The following G3BP1 variants were observed in gnomAD, a reference collection of about 807,000 sequenced individuals.
The protein encoded by G3BP1 is ras GTPase-activating protein-binding protein 1.
G3BP1 carries 35 observed loss-of-function variants against 58.6 expected under a neutral mutation model. The observed-to-expected ratio is 0.60, with a 90% confidence interval of 0.46 to 0.79. The LOEUF is 0.79. Ranked by LOEUF, G3BP1 falls within the 30% of genes least tolerant of loss-of-function variation. The pLI, the probability that G3BP1 is intolerant of heterozygous loss-of-function variation, is 0.00. For synonymous variants in G3BP1, 191 were observed against 195.4 expected (o/e 0.98, Z 0.19); for missense variants, 523 against 580.8 (o/e 0.90, Z 1.02).
chr5:151,795,765 C>T (rs966062491), intron 6 of G3BP1, among the ~76,000 whole-genome samples, 190 bp downstream of exon 6: 8 of 152,240 alleles, frequency 5.3e-5, no homozygotes, highest in Middle Eastern at 3.4e-3. Flanking sequence ...GTAAATTGTA[C>T]TATGAAGGCA....
In G3BP1 at chr5:151,810,483, G is replaced by C. The variant is rs1234241806; in HGVS notation, c.*6392G>C. 1 of 152,174 alleles carries C rather than the reference G, an allele frequency of 6.6e-6. No homozygotes were observed. The highest frequency in any genetic ancestry group is 1.9e-4 in the East Asian group (1 of 5,194). The allele number at this position is 152,174 out of a possible 1,614,324, so 9.4% of individuals were successfully genotyped here. On this transcript the variant is annotated 3_prime_UTR_variant, in exon 12 of 12. Transcript: ENST00000356245. ...ATCTACTTTCCACATTTTCCCTCTT[G>C]TTTGAGGTCCTGTTCCAACCTTCAT...
chr5:151,794,490 A>C (rs549186807), intron 5 of G3BP1, among the ~76,000 whole-genome samples: 1 of 152,328 alleles, frequency 6.6e-6, no homozygotes, highest in African/African-American at 2.4e-5. Flanking sequence ...AGGCTAACTC[A>C]CAGCGACAGT....
At chr5:151,802,402 G>A (rs887992904) in intron 11 of G3BP1, among the ~76,000 whole-genome samples, 1 of 152,146 alleles carries the variant, frequency 6.6e-6, no homozygotes, top group African/African-American at 2.4e-5. Context: ...CTAATTTTTT[G>A]TGTGAGCAGA....
At chr5:151,794,647 T>C (rs1451991902) in intron 5 of G3BP1, among the ~76,000 whole-genome samples, 1 of 152,232 alleles carries the variant, frequency 6.6e-6, no homozygotes, top group East Asian at 1.9e-4. Context: ...GACTACTCTT[T>C]GTGCTGGAGG....
intron 11 of G3BP1, among the ~76,000 whole-genome samples, chr5:151,803,283 G>T (rs536781364): frequency 3.3e-5 from 5 of 152,266 alleles, no homozygotes; most frequent in African/African-American, 9.6e-5. Context: ...TATGGAGAAG[G>T]TGGCAATTTT....
At chr5:151,797,660 C>T (rs141611280) in intron 7 of G3BP1, among the ~76,000 whole-genome samples, 2 of 152,276 alleles carry the variant, frequency 1.3e-5, no homozygotes, top group Non-Finnish European at 2.9e-5. Context: ...ACTTGAATGC[C>T]TGTTAGACCA....
At chr5:151,794,026 C>CA (rs1283066611) in intron 4 of G3BP1, 133 bp from the exon 5 acceptor site, 7 of 605,414 alleles carry the variant, frequency 1.2e-5, no homozygotes, top group African/African-American at 7.4e-5. Flanking sequence ...CCCACAACAA[C>CA]AAAAACTGAA....
chr5:151,808,472 C>T lies in G3BP1; in HGVS notation c.*4381C>T, dbSNP rs754720193. On this transcript the variant is annotated 3_prime_UTR_variant, in exon 12 of 12. Transcript: ENST00000356245. ...TGGCTTGCAATTAGGTTTTTAGTTTCTGTTTATGTGACTTGTTTGAAAACA... is the reference window on the plus strand; with the variant it reads ...TGGCTTGCAATTAGGTTTTTAGTTTTTGTTTATGTGACTTGTTTGAAAACA... 21 of 152,158 alleles carry T rather than the reference C, an allele frequency of 1.4e-4. No homozygotes were observed. The highest frequency in any genetic ancestry group is 2.9e-4 in the Non-Finnish European group (20 of 68,014). 9.4% of individuals were successfully genotyped at this position (152,158 alleles called of 1,614,324 possible).
chr5:151,787,251 T>A (rs1314624214), intron 2 of G3BP1: 2 of 152,412 alleles, frequency 1.3e-5, no homozygotes, highest in Non-Finnish European at 2.9e-5. Context: ...AGTCATGCAT[T>A]ATTTACTAAG....
intron 6 of G3BP1, among the ~76,000 whole-genome samples, chr5:151,795,782 T>C (rs1311821570): frequency 6.6e-6 from 1 of 152,246 alleles, no homozygotes; most frequent in Non-Finnish European, 1.5e-5. Context: ...GGCAATCTAC[T>C]ATTGCTTAGT....
At chr5:151,783,590 C>G (rs371382698) in intron 1 of G3BP1, among the ~76,000 whole-genome samples, 9 of 152,024 alleles carry the variant, frequency 5.9e-5, no homozygotes, top group Admixed American at 2.0e-4. Flanking sequence ...AGGGTTTCAC[C>G]ATGTTGGCCA....
intron 6 of G3BP1, among the ~76,000 whole-genome samples, chr5:151,796,845 T>G (rs1471249972): frequency 6.6e-6 from 1 of 152,126 alleles, no homozygotes; most frequent in Non-Finnish European, 1.5e-5. Flanking sequence ...TTTATATACC[T>G]TATAAACAGA....
In G3BP1 at chr5:151,805,176, T is replaced by C. The variant is rs955963118; in HGVS notation, c.*1085T>C. 1.3e-5 allele frequency: 2 copies of C among 152,652 alleles called. No homozygotes were observed. The highest frequency in any genetic ancestry group is 4.8e-5 in the African/African-American group (2 of 41,470). The allele number at this position is 152,652 out of a possible 1,614,324, so 9.5% of individuals were successfully genotyped here. A position where few individuals can be genotyped will look rare whatever the true frequency, so the allele number is the denominator to read the frequency against. On this transcript the variant is annotated 3_prime_UTR_variant, in exon 12 of 12. Transcript: ENST00000356245. Reference sequence around the variant, plus strand: ...CCTAATCATAGCCCGTAAGAAGGAATGTTACTTTAATATTGGACTTTGCTC... The same window carrying C: ...CCTAATCATAGCCCGTAAGAAGGAACGTTACTTTAATATTGGACTTTGCTC...
chr5:151,798,353 A>T (rs115523517), intron 7 of G3BP1, among the ~76,000 whole-genome samples: 1,593 of 152,256 alleles, frequency 0.01, 30 homozygotes, highest in African/African-American at 0.037. Flanking sequence ...TGTCACAAGA[A>T]CAAAACCATA....
intron 11 of G3BP1, among the ~76,000 whole-genome samples, chr5:151,802,704 C>A (rs565614054): frequency 6.6e-6 from 1 of 152,168 alleles, no homozygotes; most frequent in Admixed American, 6.5e-5. Flanking sequence ...GAGGCCGAGG[C>A]GGGCGGATCA....
At chr5:151,790,252 C>G in intron 2 of G3BP1, 71 bp from the exon 3 acceptor site, 1 of 770,582 alleles carries the variant, frequency 1.3e-6, no homozygotes, top group Admixed American at 3.1e-5. Flanking sequence ...AAAAAGTTTG[C>G]CAGTATCAGA....
chr5:151,772,864 C>T (rs1198044018), intron 1 of G3BP1, among the ~76,000 whole-genome samples: 7 of 152,240 alleles, frequency 4.6e-5, no homozygotes, highest in Non-Finnish European at 1.0e-4. Flanking sequence ...CAAAAGGCCA[C>T]CTGCCGAGAA....
intron 10 of G3BP1, among the ~76,000 whole-genome samples, 172 bp from the exon 11 acceptor site, chr5:151,800,588 C>T (rs897037011): frequency 6.6e-6 from 1 of 152,126 alleles, no homozygotes; most frequent in Non-Finnish European, 1.5e-5. Context: ...TCCAAATGTG[C>T]CTCCCATAAT....
intron 1 of G3BP1, among the ~76,000 whole-genome samples, chr5:151,774,785 T>C (rs1762339417): frequency 6.6e-6 from 1 of 151,922 alleles, no homozygotes; most frequent in African/African-American, 2.4e-5. Flanking sequence ...AAATCTCTGG[T>C]AGTGCAGTAC....
Sources: allele counts gnomAD v4.1 joint callset (sites outside exome capture counted in the v4.1 genomes callset), GRCh38; gene constraint gnomAD v4.1.1; transcripts MANE v1.5; gene names NCBI Gene and HGNC (gene_info 2026-07-23, HGNC 2026-07-21).